Variants in PARVB observed in about 807,000 individuals in gnomAD.
PARVB encodes beta-parvin.
Under a neutral mutation model 47.0 loss-of-function variants are expected in PARVB, and 46 were observed. That is an observed-to-expected ratio of 0.98 (90% CI 0.77 to 1.25). PARVB has a LOEUF of 1.25. Among genes scored for constraint, PARVB ranks in the 50% most tolerant of loss-of-function variants. The probability of loss-of-function intolerance (pLI) is 0.00; values close to 1 mark genes in which losing one functional copy is unlikely to be tolerated. For missense variants in PARVB, 473 were observed against 471.6 expected (o/e 1.00, Z -0.03); for synonymous variants, 196 against 196.3 (o/e 1.00, Z 0.01).
At chr22:44,054,775 G>A (rs2051273736) in intron 1 of PARVB, among the ~76,000 whole-genome samples, 1 of 83,006 alleles carries the variant, frequency 1.2e-5, no homozygotes, top group Non-Finnish European at 2.4e-5. Context: ...GGTCACCTGA[G>A]GTCAGGAGTC....
At chr22:44,105,594 C>A (rs545513432) in intron 3 of PARVB, 1 of 152,216 alleles carries the variant, frequency 6.6e-6, no homozygotes, top group African/African-American at 2.4e-5. Flanking sequence ...TTTCTCCTCC[C>A]CTAGAATGTA....
Position 44,157,964 on chromosome 22 carries a change from A to G in PARVB, c.844-18A>G, listed in dbSNP as rs1258048281. 4.4e-6 allele frequency: 7 copies of G among 1,589,130 alleles called. No homozygotes were observed. Among genetic ancestry groups the G allele is most frequent in the Non-Finnish European group, 6.0e-6 (7 of 1,157,910 alleles). On this transcript the variant is annotated intron_variant, in intron 10 of 12. Coordinates refer to ENST00000338758, the MANE Select transcript of PARVB (RefSeq NM_013327.5). ...ACTCCTTACCCTGCCCGGAAACATC[A>G]CAAGTCTTTCTCTGCAGTTTGCAGA... is the stretch of plus-strand genomic sequence containing the variant.
intron 1 of PARVB, among the ~76,000 whole-genome samples, chr22:44,034,343 GGGGGTCTTTATACATATATA>G (rs1271675955): frequency 6.7e-6 from 1 of 150,328 alleles, no homozygotes; most frequent in Non-Finnish European, 1.5e-5. Context: ...TGTTTGAGAT[GGGGGTCTTTATACATATATA>G]TTTGAGATGG....
At chr22:44,108,303 G>T (rs2052614424) in intron 3 of PARVB, 2 of 152,260 alleles carry the variant, frequency 1.3e-5, no homozygotes, top group African/African-American at 4.8e-5. Context: ...TCAGTGGGAA[G>T]AGGCTCAAGT....
intron 1 of PARVB, among the ~76,000 whole-genome samples, chr22:44,061,348 T>C (rs892336423): frequency 4.9e-5 from 7 of 142,922 alleles, no homozygotes; most frequent in African/African-American, 1.8e-4. Flanking sequence ...GGAGAATTGC[T>C]TGAACCCAGG....
intron 4 of PARVB, 57 bp downstream of exon 4, chr22:44,119,197 G>T: frequency 9.9e-6 from 12 of 1,209,424 alleles, no homozygotes; most frequent in Non-Finnish European, 1.5e-5. Context: ...AGCGGCCCTG[G>T]GCTGGGCCAG....
At chr22:44,009,734 A>ATTTTTT (rs2050502995) in intron 2 of PARVB, among the ~76,000 whole-genome samples, 1 of 151,470 alleles carries the variant, frequency 6.6e-6, no homozygotes, top group African/African-American at 2.4e-5. Flanking sequence ...TTATATAATA[A>ATTTTTT]ACATTATATA....
In PARVB at chr22:44,097,460, G is replaced by A. The variant is rs374198228; in HGVS notation, c.203-2593G>A. The stretch of plus-strand genomic sequence containing the variant: ...CGGGGGTTTCATGTCCAGGGTCCCC[G>A]GTCAAGGCTAGCAGGTCATGAATGC... On this transcript the variant is annotated intron_variant, in intron 2 of 12. Transcript: ENST00000338758. Among the ~76,000 whole-genome samples, 21 of 152,346 alleles carry A rather than the reference G, an allele frequency of 1.4e-4. No homozygotes were observed. In the East Asian group the frequency reaches 2.9e-3, roughly 21 times the overall value.
chr22:44,004,273 G>T (rs2050442112), intron 2 of PARVB, among the ~76,000 whole-genome samples: 1 of 152,204 alleles, frequency 6.6e-6, no homozygotes, highest in Non-Finnish European at 1.5e-5. Flanking sequence ...CAGGTCGCGC[G>T]CGAAGTCAGT....
At chr22:44,071,397 C>T (rs1235614627) in intron 1 of PARVB, among the ~76,000 whole-genome samples, 3 of 152,152 alleles carry the variant, frequency 2.0e-5, no homozygotes, top group East Asian at 1.9e-4. Flanking sequence ...AAAATGCAAA[C>T]GAATTGAAAA....
chr22:44,118,174 G>T (rs2052954747), intron 3 of PARVB, among the ~76,000 whole-genome samples: 1 of 152,154 alleles, frequency 6.6e-6, no homozygotes, highest in South Asian at 2.1e-4. Flanking sequence ...ATCAACCAAG[G>T]GATGGAGAAA....
chr22:44,163,770 C>A, intron 11 of PARVB, 88 bp from the exon 12 acceptor site: 1 of 1,161,822 alleles, frequency 8.6e-7, no homozygotes, highest in Non-Finnish European at 1.2e-6. Context: ...AGGCTCGGTC[C>A]TGTCCATGCC....
intron 1 of PARVB, among the ~76,000 whole-genome samples, chr22:44,085,869 C>T (rs2052012599): frequency 6.6e-6 from 1 of 152,236 alleles, no homozygotes; most frequent in African/African-American, 2.4e-5. Flanking sequence ...GGCTTGCTGC[C>T]ATCTGAATAG....
intron 11 of PARVB, 106 bp downstream of exon 11, chr22:44,158,189 A>G: frequency 1.4e-6 from 1 of 721,880 alleles, no homozygotes; most frequent in Non-Finnish European, 2.4e-6. Flanking sequence ...TGCATTCTTC[A>G]GAAAGTAAAA....
chr22:44,160,142 C>T lies in PARVB; in HGVS notation c.945+2059C>T, dbSNP rs560948483. 1.6e-4 allele frequency among the ~76,000 whole-genome samples: 25 copies of T among 152,260 alleles called. No individual in the cohort carries two copies. The South Asian group carries it at 5.0e-3, about 30-fold the overall frequency. ...TGCAAAGCCACTGTTTGAGCCTTAC[C>T]CTGCACTGGCCACGTGCTGAGCACC... On this transcript the variant is annotated intron_variant, in intron 11 of 12. Coordinates refer to ENST00000338758, the MANE Select transcript of PARVB (RefSeq NM_013327.5).
At chr22:44,010,187 G>A (rs898811801) in intron 2 of PARVB, among the ~76,000 whole-genome samples, 1 of 152,146 alleles carries the variant, frequency 6.6e-6, no homozygotes, top group African/African-American at 2.4e-5. Context: ...TTTTGTTCAC[G>A]AGTGCACCCC....
chr22:44,013,083 GATAAAGGTTTC>G (rs1359160744), intron 2 of PARVB, among the ~76,000 whole-genome samples: 2 of 152,132 alleles, frequency 1.3e-5, no homozygotes, highest in East Asian at 3.9e-4. Flanking sequence ...AGTTTTAGTA[GATAAAGGTTTC>G]ACCACGTTGG....
At chr22:44,156,162 C>T (rs2053928290) in intron 10 of PARVB, among the ~76,000 whole-genome samples, 1 of 152,090 alleles carries the variant, frequency 6.6e-6, no homozygotes, top group Admixed American at 6.5e-5. Context: ...TGTCCTGAGT[C>T]CCTTAAGGGA....
chr22:44,023,541 A>AT (rs1555892764), upstream of PARVB, among the ~76,000 whole-genome samples: 1 of 28,712 alleles, frequency 3.5e-5, no homozygotes, highest in African/African-American at 9.0e-5. Context: ...ACAAAACAAA[A>AT]TAAAATAAAA....
Sources: allele counts gnomAD v4.1 joint callset (sites outside exome capture counted in the v4.1 genomes callset), GRCh38; gene constraint gnomAD v4.1.1; transcripts MANE v1.5; gene names NCBI Gene and HGNC (gene_info 2026-07-23, HGNC 2026-07-21).